The following PDCD10 variants were observed in gnomAD, a reference collection of about 807,000 sequenced individuals.
PDCD10 encodes the protein programmed cell death protein 10.
A neutral mutation model predicts 29.2 loss-of-function variants in PDCD10; 4 were observed. The observed-to-expected ratio is 0.14, with a 90% CI of 0.07 to 0.31. The LOEUF is 0.31. PDCD10 is among the 10% of genes least tolerant of loss of function. PDCD10 has a pLI of 1.00. For missense variants in PDCD10, 183 were observed against 257.9 expected, an observed-to-expected ratio of 0.71 and a Z score of 1.99; for synonymous variants, 70 against 82.2, an observed-to-expected ratio of 0.85 and a Z score of 0.80.
In PDCD10 at chr3:167,692,919, AAAACAAAACAAAC is replaced by A. The variant is rs1483954741; in HGVS notation, c.395+2664_395+2676del. Among the ~76,000 whole-genome samples, 3 of 152,248 alleles carry A rather than the reference AAAACAAAACAAAC, an allele frequency of 2.0e-5. No individual in the cohort carries two copies. In the East Asian group the frequency reaches 5.8e-4, roughly 29 times the overall value. On this transcript the variant is annotated intron_variant, in intron 6 of 8. Transcript: ENST00000392750. ...GGCGACAGAGCAAGACTCCGTCTCAAAAACAAAACAAACAAACAAAACAAACAAAAAAACCCTT... is the reference window on the plus strand; with the variant it reads ...GGCGACAGAGCAAGACTCCGTCTCAAAAACAAAACAAACAAAAAAACCCTT...
intron 4 of PDCD10, 34 bp downstream of exon 4, chr3:167,704,808 C>G: frequency 7.0e-7 from 1 of 1,421,692 alleles, no homozygotes; most frequent in Non-Finnish European, 9.9e-7. Context: ...AGAACATACA[C>G]TTTAATAATC....
At chr3:167,715,555 G>A (rs1722921449) in intron 3 of PDCD10, among the ~76,000 whole-genome samples, 1 of 151,176 alleles carries the variant, frequency 6.6e-6, no homozygotes, top group Admixed American at 6.6e-5. Context: ...TCAAACAACT[G>A]TACAGGAAAA....
At chr3:167,685,147 C>A (rs868579950) in intron 8 of PDCD10, among the ~76,000 whole-genome samples, 2 of 151,936 alleles carry the variant, frequency 1.3e-5, no homozygotes, top group African/African-American at 4.8e-5. Context: ...CCTGGTGGCT[C>A]GCACCTGTAA....
intron 7 of PDCD10, 95 bp from the exon 8 acceptor site, chr3:167,687,411 G>C (rs1278008661): frequency 1.3e-6 from 1 of 795,000 alleles, no homozygotes; most frequent in Non-Finnish European, 2.2e-6. Flanking sequence ...CAGGATATGG[G>C]ATGCACTTTA....
chr3:167,698,772 A>G lies in PDCD10; in HGVS notation c.151-1646T>C, dbSNP rs7626329. On this transcript the variant is annotated intron_variant, in intron 4 of 8. Coordinates refer to ENST00000392750, the MANE Select transcript of PDCD10 (RefSeq NM_007217.4). ...TCTCTATGTGCTTGCAGGGGACAGAAAAAGAAAAGCATATCTCTGATTAAG... is the reference window on the plus strand; with the variant it reads ...TCTCTATGTGCTTGCAGGGGACAGAGAAAGAAAAGCATATCTCTGATTAAG... 8.1e-3 allele frequency among the ~76,000 whole-genome samples: 1,228 copies of G among 152,298 alleles called. 13 individuals carry two copies. Among genetic ancestry groups the G allele is most frequent in the African/African-American group, 0.028 (1,170 of 41,556 alleles).
At chr3:167,718,370 T>A (rs962565949) in intron 3 of PDCD10, among the ~76,000 whole-genome samples, 10 of 152,020 alleles carry the variant, frequency 6.6e-5, no homozygotes, top group African/African-American at 2.2e-4. Flanking sequence ...TAACAGTAGC[T>A]CCTTGAAATG....
chr3:167,701,427 G>C (rs1168385968), intron 4 of PDCD10, among the ~76,000 whole-genome samples: 1 of 152,032 alleles, frequency 6.6e-6, no homozygotes, highest in Non-Finnish European at 1.5e-5. Context: ...TGAACTTCTG[G>C]CCTCTGGCCT....
intron 4 of PDCD10, 31 bp downstream of exon 4, chr3:167,704,811 T>C (rs199539312): frequency 1.3e-5 from 19 of 1,438,610 alleles, no homozygotes; most frequent in Admixed American, 1.2e-4. Flanking sequence ...ACATACACTT[T>C]AATAATCATA....
At chr3:167,732,401 G>C (rs1050073976) in intron 2 of PDCD10, among the ~76,000 whole-genome samples, 3 of 152,122 alleles carry the variant, frequency 2.0e-5, no homozygotes, top group Non-Finnish European at 2.9e-5. Flanking sequence ...CTGACATAAG[G>C]CTCCTGCAAA....
At chr3:167,710,393 G>A (rs1204266188) in intron 3 of PDCD10, among the ~76,000 whole-genome samples, 1 of 152,086 alleles carries the variant, frequency 6.6e-6, no homozygotes, top group Non-Finnish European at 1.5e-5. Context: ...GAGCCCTTGG[G>A]TTTTAAGTGA....
At chr3:167,697,466 T>C (rs955314655) in intron 4 of PDCD10, among the ~76,000 whole-genome samples, 1 of 152,142 alleles carries the variant, frequency 6.6e-6, no homozygotes, top group African/African-American at 2.4e-5. Context: ...CTCATTACTT[T>C]AAATATCTTG....
At chr3:167,688,946 A>G (rs1050739752) in intron 6 of PDCD10, among the ~76,000 whole-genome samples, 1 of 152,174 alleles carries the variant, frequency 6.6e-6, no homozygotes, top group African/African-American at 2.4e-5. Flanking sequence ...AAGAATTAAA[A>G]GCATACAGAA....
Position 167,684,230 on chromosome 3 carries a change from C to T in PDCD10, c.*78G>A. 2 of 814,184 alleles carry T rather than the reference C, an allele frequency of 2.5e-6. No individual in the cohort carries two copies. Among genetic ancestry groups the T allele is most frequent in the East Asian group, 4.9e-5 (2 of 40,710 alleles). The allele number at this position is 814,184 out of a possible 1,614,324, so 50.4% of individuals were successfully genotyped here. A position where few individuals can be genotyped will look rare whatever the true frequency, so the allele number is the denominator to read the frequency against. On this transcript the variant is annotated 3_prime_UTR_variant, in exon 9 of 9. Coordinates refer to ENST00000392750, the MANE Select transcript of PDCD10 (RefSeq NM_007217.4). ...CTTCAGGAGGGACTGATAATTTATA[C>T]AGTCAAACTTTAAAATTTACAGATA...
At chr3:167,729,882 TA>T (rs774565548) in intron 2 of PDCD10, among the ~76,000 whole-genome samples, 1 of 152,186 alleles carries the variant, frequency 6.6e-6, no homozygotes, top group African/African-American at 2.4e-5. Context: ...CAATAGTTCA[TA>T]AGCTTGTTAA....
chr3:167,723,524 AT>A (rs1723789891), intron 2 of PDCD10, among the ~76,000 whole-genome samples: 1 of 152,202 alleles, frequency 6.6e-6, no homozygotes, highest in Non-Finnish European at 1.5e-5. Flanking sequence ...TATTTCACCC[AT>A]TTCACTACCT....
rs78983469 is a variant in PDCD10, at chr3:167,695,176, T to C, written c.395+420A>G. Among the ~76,000 whole-genome samples the C allele has an allele frequency of 7.9e-3, 1,209 of 152,348 alleles. 88 individuals are homozygous for C. The East Asian group carries it at 0.17, about 22-fold the overall frequency. Reference sequence around the variant, plus strand: ...CCTATATCCCCCAAAGGCAAGGATTTAGAGGCTATTTGGTCAGTCTTAGAA... The same window carrying C: ...CCTATATCCCCCAAAGGCAAGGATTCAGAGGCTATTTGGTCAGTCTTAGAA... On this transcript the variant is annotated intron_variant, in intron 6 of 8. Transcript: ENST00000392750.
intron 2 of PDCD10, among the ~76,000 whole-genome samples, chr3:167,723,043 C>T (rs891297536): frequency 6.6e-6 from 1 of 152,152 alleles, no homozygotes; most frequent in Non-Finnish European, 1.5e-5. Flanking sequence ...ATGAAAAATG[C>T]TCCAAAGAAC....
At chr3:167,695,824 A>G (rs1165122859) in intron 5 of PDCD10, 102 bp from the exon 6 acceptor site, 11 of 1,137,918 alleles carry the variant, frequency 9.7e-6, no homozygotes, top group Non-Finnish European at 1.5e-5. Context: ...GAGGGAGGTG[A>G]AAGGCCAGAT....
At chr3:167,725,659 T>C (rs1287552184) in intron 2 of PDCD10, among the ~76,000 whole-genome samples, 1 of 151,118 alleles carries the variant, frequency 6.6e-6, no homozygotes, top group Non-Finnish European at 1.5e-5. Flanking sequence ...TCCCTGAACA[T>C]ACACTACTGT....
Sources: gnomAD v4.1 joint callset for allele counts (sites outside exome capture counted in the v4.1 genomes callset) on GRCh38, gnomAD v4.1.1 for gene constraint, MANE v1.5 for transcripts, NCBI Gene and HGNC (gene_info 2026-07-23, HGNC 2026-07-21) for gene names.